Variants in ZSWIM5 observed in about 807,000 individuals in gnomAD.
ZSWIM5 encodes the protein zinc finger SWIM-type containing 5.
In ZSWIM5, 55 loss-of-function variants were observed where a neutral mutation model predicts 119.6. The observed-to-expected ratio is 0.46, with a 90% confidence interval of 0.37 to 0.58. The LOEUF is 0.58. ZSWIM5 is among the 20% of genes least tolerant of loss of function. The pLI is 0.00. For synonymous variants in ZSWIM5, 537 were observed against 606.9 expected (o/e 0.88, Z 1.69); for missense variants, 1,193 against 1,512.8 (o/e 0.79, Z 3.51).
intron 4 of ZSWIM5, among the ~76,000 whole-genome samples, chr1:45,052,982 G>A (rs1024710121): frequency 1.3e-5 from 2 of 151,896 alleles, no homozygotes; most frequent in Non-Finnish European, 2.9e-5. Flanking sequence ...AATTAGCCAG[G>A]TGTGTTGGTG....
chr1:45,106,424 T>A (rs1262347915), intron 1 of ZSWIM5, among the ~76,000 whole-genome samples: 7 of 130,638 alleles, frequency 5.4e-5, no homozygotes, highest in African/African-American at 2.1e-4. Context: ...GGCCGCCCCA[T>A]CTGGGATATG....
chr1:45,027,536 A>G (rs1280190902), intron 11 of ZSWIM5, among the ~76,000 whole-genome samples: 1 of 151,812 alleles, frequency 6.6e-6, no homozygotes, highest in African/African-American at 2.4e-5. Flanking sequence ...AGCTGAGATT[A>G]CAGGCGCCTG....
Position 45,114,523 on chromosome 1 carries a change from A to G in ZSWIM5, c.596-26286T>C, listed in dbSNP as rs1645536074. Among the ~76,000 whole-genome samples, 2 of 152,178 alleles carry G rather than the reference A, an allele frequency of 1.3e-5. 1 individual carries two copies. Among genetic ancestry groups the G allele is most frequent in the South Asian group, 4.1e-4 (2 of 4,836 alleles). ...TAAAGAAGACACGGGTAAATTCGCT[A>G]TTTTAGTGGAGACTTCAATACTTCC... On this transcript the variant is annotated intron_variant, in intron 1 of 13. Transcript: ENST00000359600.
intron 5 of ZSWIM5, among the ~76,000 whole-genome samples, chr1:45,049,510 T>A (rs1341395295): frequency 6.6e-6 from 1 of 151,940 alleles, no homozygotes; most frequent in Non-Finnish European, 1.5e-5. Flanking sequence ...ACCAATATAT[T>A]ATGACAAGGA....
chr1:45,056,484 C>G (rs1300781289), intron 4 of ZSWIM5, among the ~76,000 whole-genome samples: 1 of 151,964 alleles, frequency 6.6e-6, no homozygotes, highest in Non-Finnish European at 1.5e-5. Context: ...GTCCCAGCTA[C>G]TCAGGGGGCT....
chr1:45,036,415 T>C, intron 8 of ZSWIM5, 116 bp from the exon 9 acceptor site: 1 of 1,418,460 alleles, frequency 7.0e-7, no homozygotes, highest in African/African-American at 1.5e-5. Context: ...AGTACAGTGG[T>C]GCAATCTCAG....
At chr1:45,167,246 G>A (rs1236155835) in intron 1 of ZSWIM5, among the ~76,000 whole-genome samples, 11 of 151,668 alleles carry the variant, frequency 7.3e-5, no homozygotes, top group African/African-American at 1.2e-4. Context: ...TTAATAAACG[G>A]TGCTGGGAAA....
At chr1:45,060,867 G>C (rs1645148514) in intron 2 of ZSWIM5, among the ~76,000 whole-genome samples, 1 of 152,064 alleles carries the variant, frequency 6.6e-6, no homozygotes, top group South Asian at 2.1e-4. Context: ...TGTAGAGACA[G>C]GGTTTTGCCA....
chr1:45,034,374 G>T lies in ZSWIM5; in HGVS notation c.2387C>A (p.Thr796Lys). The T allele has an allele frequency of 1.9e-6, 3 of 1,614,000 alleles. No individual in the cohort carries two copies. Among genetic ancestry groups the T allele is most frequent in the South Asian group, 2.2e-5 (2 of 91,064 alleles). Residue 796 changes from threonine to lysine, a missense_variant, in exon 11 of 14, where the codon ACG (threonine) becomes AAG (lysine). Coordinates refer to ENST00000359600, the MANE Select transcript of ZSWIM5 (RefSeq NM_020883.2). ...VVPSRYPRWF[T>K]LGHLESQQCE... is the part of the protein sequence containing the mutation. ...CTGCTGTGATTCCAAGTGTCCAAGC[G>T]TGAACCAGCGAGGATAACGGCTGGG...
rs189750287 is a variant in ZSWIM5, at chr1:45,040,354, T to C, written c.1756+38A>G. 3.4e-4 allele frequency: 529 copies of C among 1,539,274 alleles called. 2 individuals are homozygous for C. The African/African-American group carries it at 6.4e-3, about 19-fold the overall frequency. On this transcript the variant is annotated intron_variant, in intron 7 of 13. Transcript: ENST00000359600. ...ATCCCCTGAGGATCCTCATCAGCTT[T>C]GGGCCTAAGGGGGTTAGATGGCTCC...
intron 2 of ZSWIM5, among the ~76,000 whole-genome samples, chr1:45,085,884 T>C (rs1645326459): frequency 6.6e-6 from 1 of 152,206 alleles, no homozygotes; most frequent in African/African-American, 2.4e-5. Flanking sequence ...CTCTGCCACT[T>C]TTCTAACCAG....
chr1:45,126,552 C>A (rs1324121362), intron 1 of ZSWIM5, among the ~76,000 whole-genome samples: 1 of 152,110 alleles, frequency 6.6e-6, no homozygotes, highest in African/African-American at 2.4e-5. Flanking sequence ...TCTCAAAACT[C>A]CCAAGGGAAA....
intron 2 of ZSWIM5, among the ~76,000 whole-genome samples, chr1:45,063,974 T>C (rs1338602052): frequency 2.0e-5 from 3 of 150,812 alleles, no homozygotes; most frequent in African/African-American, 7.3e-5. Context: ...AGAGTGAGAC[T>C]CTGTCTCAGA....
At position 45,195,244 on chromosome 1, in the gene ZSWIM5, T is replaced by C. The variant is rs189526178; in HGVS notation, c.595+10512A>G. On this transcript the variant is annotated intron_variant, in intron 1 of 13. Transcript: ENST00000359600. ...CTAAAAAATTTAAAGTTTTTGTTTT[T>C]TTGTTTTTGAGACAGGGTCTTGCTC... Among the ~76,000 whole-genome samples the C allele has an allele frequency of 7.9e-5, 12 of 152,316 alleles. No individual in the cohort carries two copies. The East Asian group carries it at 2.3e-3, about 29-fold the overall frequency.
Position 45,131,724 on chromosome 1 carries a change from C to CAA in ZSWIM5, c.596-43489_596-43488dup, listed in dbSNP as rs11336099. Among the ~76,000 whole-genome samples the CAA allele has an allele frequency of 3.5e-3, 253 of 73,234 alleles. 1 individual carries two copies. Among genetic ancestry groups the CAA allele is most frequent in the South Asian group, 0.021 (45 of 2,100 alleles). The allele number at this position is 73,234 out of a possible 152,430, so 48.0% of individuals were successfully genotyped here. On this transcript the variant is annotated intron_variant, in intron 1 of 13. Coordinates refer to ENST00000359600, the MANE Select transcript of ZSWIM5 (RefSeq NM_020883.2). ...TGGGAGACAAAGCAAGACTCTGTCT[C>CAA]AAAAAAAAAAAAAAAAAAAAAAATC...
chr1:45,093,678 C>A (rs753080651), intron 1 of ZSWIM5, among the ~76,000 whole-genome samples: 5 of 152,154 alleles, frequency 3.3e-5, no homozygotes, highest in African/African-American at 9.7e-5. Flanking sequence ...AATATCTATA[C>A]CCCTTGCCTT....
chr1:45,036,306 G>A lies in ZSWIM5; in HGVS notation c.1895-7C>T, dbSNP rs1644983682. ...GGTCTGCTTTCATTCATATCTGAGG[G>A]CAACAGGGCACCAAATTCTTTAGGT... is the stretch of plus-strand genomic sequence containing the variant. On this transcript the variant is annotated splice_polypyrimidine_tract_variant and splice_region_variant and intron_variant, in intron 8 of 13. Transcript: ENST00000359600. 7.5e-6 allele frequency: 12 copies of A among 1,606,526 alleles called. No homozygotes were observed. The highest frequency in any genetic ancestry group is 1.3e-5 in the African/African-American group (1 of 74,674).
At chr1:45,061,745 T>C (rs1645153220) in intron 2 of ZSWIM5, among the ~76,000 whole-genome samples, 1 of 152,030 alleles carries the variant, frequency 6.6e-6, no homozygotes, top group African/African-American at 2.4e-5. Context: ...CCAGTTTTTT[T>C]TTTTTTTTTG....
At chr1:45,098,694 C>T (rs542782410) in intron 1 of ZSWIM5, among the ~76,000 whole-genome samples, 1 of 152,188 alleles carries the variant, frequency 6.6e-6, no homozygotes, top group South Asian at 2.1e-4. Flanking sequence ...TCACAACAAA[C>T]TGCCTCTCAG....
Sources: gnomAD v4.1 joint callset for allele counts (sites outside exome capture counted in the v4.1 genomes callset) on GRCh38, gnomAD v4.1.1 for gene constraint, MANE v1.5 for transcripts, NCBI Gene and HGNC (gene_info 2026-07-23, HGNC 2026-07-21) for gene names.